OTOG: variants seen among roughly 807,000 people sequenced by gnomAD.
OTOG encodes the protein otogelin.
A neutral mutation model predicts 313.8 loss-of-function variants in OTOG; 296 were observed. The observed-to-expected ratio is 0.94, with a 90% confidence interval of 0.86 to 1.04. OTOG has a LOEUF of 1.04. OTOG is among the 50% of genes least tolerant of loss of function. The probability of loss-of-function intolerance (pLI) is 0.00; values close to 1 mark genes in which losing one functional copy is unlikely to be tolerated. For synonymous variants in OTOG, 1,533 were observed against 1,554.9 expected, an observed-to-expected ratio of 0.99 and a Z score of 0.33; for missense variants, 3,948 against 3,840.1, an observed-to-expected ratio of 1.03 and a Z score of -0.74.
intron 23 of OTOG, among the ~76,000 whole-genome samples, chr11:17,580,262 T>C (rs1852636148): frequency 6.6e-6 from 1 of 152,250 alleles, no homozygotes; most frequent in South Asian, 2.1e-4. Context: ...GAGCACAGAC[T>C]CAGGAGTCAA....
chr11:17,586,382 C>T (rs1039110064), intron 23 of OTOG, 92 bp from the exon 24 acceptor site: 1 of 677,932 alleles, frequency 1.5e-6, no homozygotes, highest in Non-Finnish European at 2.2e-6. Flanking sequence ...CTGGGAGCCA[C>T]CTCCGAGCAT....
chr11:17,561,990 C>T (rs1852196414), intron 15 of OTOG, among the ~76,000 whole-genome samples, 183 bp downstream of exon 15: 2 of 150,496 alleles, frequency 1.3e-5, no homozygotes, highest in South Asian at 4.2e-4. Flanking sequence ...TGAGTCACTT[C>T]CCTTTTCTGG....
intron 24 of OTOG, among the ~76,000 whole-genome samples, chr11:17,587,802 G>C (rs557354152): frequency 6.6e-6 from 1 of 152,120 alleles, no homozygotes; most frequent in Non-Finnish European, 1.5e-5. Context: ...TTGAGATTTT[G>C]TGACTGTGGT....
At chr11:17,607,335 G>T (rs939517601) in intron 33 of OTOG, among the ~76,000 whole-genome samples, 1 of 152,246 alleles carries the variant, frequency 6.6e-6, no homozygotes, top group South Asian at 2.1e-4. Flanking sequence ...CAGGCTGTGT[G>T]TTCAGAAACT....
In OTOG at chr11:17,606,043, G is replaced by A. The variant is rs774234571; in HGVS notation, c.4064G>A (p.Ser1355Asn). The A allele has an allele frequency of 3.9e-6, 6 of 1,550,406 alleles. No individual in the cohort carries two copies. Among genetic ancestry groups the A allele is most frequent in the African/African-American group, 2.7e-5 (2 of 73,054 alleles). ...LVALESLAKP[S>N]SFLYVSGAVL... ...GCCCTGGAGTCCCTGGCCAAGCCCA[G>A]CTCCTTCCTCTATGTGTCGGGCGCG... The change falls in exon 33 of 56, where the codon AGC (serine) becomes AAC (asparagine). Residue 1355 changes from serine to asparagine, a missense_variant. By Grantham distance (46) the Ser-to-Asn change is conservative. Coordinates refer to ENST00000399397, the MANE Select transcript of OTOG (RefSeq NM_001292063.2).
In OTOG at chr11:17,610,455, A is replaced by C; in HGVS notation, c.5155A>C (p.Ile1719Leu). The C allele has an allele frequency of 6.4e-7, 1 of 1,550,576 alleles. No individual in the cohort carries two copies. ...TCCCCTTGCAACCAGGAGCTTGGAG[A>C]TAGTGCTATCCACAGAGAAGGGCGA... ...VSPLATRSLE[I>L]VLSTEKGEAG... The change falls in exon 36 of 56, where the codon ATA becomes CTA. Residue 1719 changes from isoleucine to leucine, a missense_variant. Physicochemically the swap from Ile to Leu is conservative, Grantham distance 5. Transcript: ENST00000399397.
At chr11:17,593,570 G>C in intron 26 of OTOG, 40 bp from the exon 27 acceptor site, 1 of 1,542,678 alleles carries the variant, frequency 6.5e-7, no homozygotes, top group South Asian at 1.2e-5. Flanking sequence ...GGGCGCTAGG[G>C]GGCACTTGGG....
At chr11:17,624,363 C>G (rs1022352552) in intron 39 of OTOG, among the ~76,000 whole-genome samples, 5 of 152,194 alleles carry the variant, frequency 3.3e-5, no homozygotes, top group African/African-American at 1.2e-4. Flanking sequence ...TTTCAATCTT[C>G]TGCATATGGC....
intron 15 of OTOG, among the ~76,000 whole-genome samples, chr11:17,564,351 A>T (rs1307165423): frequency 6.6e-6 from 1 of 152,210 alleles, no homozygotes; most frequent in African/African-American, 2.4e-5. Context: ...AGAAAAAAGG[A>T]TCAGGGAAAA....
chr11:17,576,982 C>G (rs921365215), intron 22 of OTOG, 71 bp downstream of exon 22: 9 of 1,448,268 alleles, frequency 6.2e-6, no homozygotes, highest in African/African-American at 5.7e-5. Flanking sequence ...GAGTGGAGCA[C>G]TGATCAGGCT....
intron 39 of OTOG, among the ~76,000 whole-genome samples, chr11:17,620,033 T>C (rs973077713): frequency 6.6e-6 from 1 of 152,252 alleles, no homozygotes; most frequent in African/African-American, 2.4e-5. Context: ...TATAGGCTGA[T>C]ATTTTTTTCT....
At chr11:17,584,099 A>G (rs1295636931) in intron 23 of OTOG, among the ~76,000 whole-genome samples, 2 of 151,998 alleles carry the variant, frequency 1.3e-5, no homozygotes. Context: ...TTAATTTTCC[A>G]TTTTTTAATT....
chr11:17,603,623 T>G (rs1853307842), intron 32 of OTOG, among the ~76,000 whole-genome samples: 2 of 152,136 alleles, frequency 1.3e-5, no homozygotes, highest in South Asian at 4.1e-4. Context: ...CTTCCCATAC[T>G]GCTTCTCCTG....
intron 41 of OTOG, 45 bp downstream of exon 41, chr11:17,631,967 G>A: frequency 6.5e-7 from 1 of 1,543,800 alleles, no homozygotes; most frequent in South Asian, 1.2e-5. Flanking sequence ...TCCTGGGCTG[G>A]CTGGGGATGG....
At chr11:17,568,810 G>T (rs1852345003) in intron 15 of OTOG, among the ~76,000 whole-genome samples, 1 of 152,328 alleles carries the variant, frequency 6.6e-6, no homozygotes, top group African/African-American at 2.4e-5. Flanking sequence ...TGAAATTAAA[G>T]TTCTGGGTTG....
At chr11:17,623,934 A>T (rs1853922006) in intron 39 of OTOG, among the ~76,000 whole-genome samples, 1 of 152,170 alleles carries the variant, frequency 6.6e-6, no homozygotes, top group South Asian at 2.1e-4. Context: ...TATTGGCTGA[A>T]TGTATGTCTT....
rs528311217 is a variant in OTOG, at chr11:17,595,388, TA to T, written c.3409-649del. ...ATTCAGCAGACATCGGAAACATCTGTATTAGTTATCTACTGCTATATAAAAA... is the reference window on the plus strand; with the variant it reads ...ATTCAGCAGACATCGGAAACATCTGTTTAGTTATCTACTGCTATATAAAAA... On this transcript the variant is annotated intron_variant, in intron 28 of 55. Transcript: ENST00000399397. Among the ~76,000 whole-genome samples the T allele has an allele frequency of 4.1e-3, 631 of 152,362 alleles. 5 individuals carry two copies. The highest frequency in any genetic ancestry group is 0.014 in the African/African-American group (599 of 41,588).
At chr11:17,552,138 A>G (rs565201770) in intron 4 of OTOG, 63 bp downstream of exon 4, 3 of 1,483,950 alleles carry the variant, frequency 2.0e-6, no homozygotes, top group Non-Finnish European at 2.8e-6. Context: ...AGAGGCCTGA[A>G]AGGGCAGAGG....
In OTOG at chr11:17,581,260, C is replaced by G. The variant is rs567314895; in HGVS notation, c.2759+2734C>G. Among the ~76,000 whole-genome samples the G allele has an allele frequency of 1.2e-4, 19 of 152,270 alleles. No homozygotes were observed. In the East Asian group the frequency reaches 3.7e-3, roughly 29 times the overall value. Reference sequence around the variant, plus strand: ...AGGAGGAGTTCAGCCTCCAGATCCCCTATTGCTCCTGCTGGGGTCACACCA... The same window carrying G: ...AGGAGGAGTTCAGCCTCCAGATCCCGTATTGCTCCTGCTGGGGTCACACCA... On this transcript the variant is annotated intron_variant, in intron 23 of 55. Transcript: ENST00000399397.
Sources: allele counts gnomAD v4.1 joint callset (sites outside exome capture counted in the v4.1 genomes callset), GRCh38; gene constraint gnomAD v4.1.1; transcripts MANE v1.5; gene names NCBI Gene and HGNC (gene_info 2026-07-23, HGNC 2026-07-21).